Variants in ADGRV1 observed in about 807,000 individuals in gnomAD.
The protein encoded by ADGRV1 is G-protein coupled receptor 98.
Under a neutral mutation model 596.2 loss-of-function variants are expected in ADGRV1, and 359 were observed. The ratio of observed to expected loss-of-function variants is 0.60; its 90% confidence interval spans 0.55 to 0.66. The LOEUF (loss-of-function observed/expected upper bound fraction) is 0.66, where lower values mean the gene tolerates loss of function less well. Ranked by LOEUF, ADGRV1 falls within the 30% of genes least tolerant of loss-of-function variation. ADGRV1 has a pLI of 0.00. For missense variants in ADGRV1, 7,274 were observed against 7,575.6 expected (o/e 0.96, Z 1.48); for synonymous variants, 2,681 against 2,679.2 (o/e 1.00, Z -0.02).
chr5:90,626,264 AT>A (rs1764744263), intron 6 of ADGRV1: 1 of 152,170 alleles, frequency 6.6e-6, no homozygotes, highest in Non-Finnish European at 1.5e-5. Context: ...TTGAAAAAAA[AT>A]GAAATATTTG....
At position 91,100,901 on chromosome 5, in the gene ADGRV1, C is replaced by A. The variant is rs113816154; in HGVS notation, c.18311-1318C>A. On this transcript the variant is annotated intron_variant, in intron 86 of 89. Coordinates refer to ENST00000405460, the MANE Select transcript of ADGRV1 (RefSeq NM_032119.4). ...AATAAACTCAAATTTAAGGACACTG[C>A]AAGAAAAACTGGCTGGTAATCATCA... Among the ~76,000 whole-genome samples the A allele has an allele frequency of 1.7e-3, 260 of 152,224 alleles. 6 individuals are homozygous for A. The highest frequency in any genetic ancestry group is 6.1e-3 in the African/African-American group (252 of 41,554).
intron 87 of ADGRV1, among the ~76,000 whole-genome samples, chr5:91,136,470 A>C (rs945064950): frequency 7.2e-5 from 11 of 152,230 alleles, no homozygotes; most frequent in Non-Finnish European, 1.3e-4. Flanking sequence ...TATTTCTCAG[A>C]AGACAGCCTT....
chr5:90,625,358 TCTG>T lies in ADGRV1; in HGVS notation c.672+116_672+118del. ...ACCTCAGCTATAAATAGCTGACTGT[TCTG>T]GAATACATCTTATTACTATTTATCT... On this transcript the variant is annotated intron_variant, in intron 6 of 89. Coordinates refer to ENST00000405460, the MANE Select transcript of ADGRV1 (RefSeq NM_032119.4). The T allele has an allele frequency of 6.7e-6, 4 of 595,150 alleles. No homozygotes were observed. In the South Asian group the frequency reaches 9.9e-5, roughly 15 times the overall value. 36.9% of individuals were successfully genotyped at this position (595,150 alleles called of 1,614,324 possible).
chr5:90,701,481 T>C (rs1240482020), intron 34 of ADGRV1, among the ~76,000 whole-genome samples: 2 of 151,964 alleles, frequency 1.3e-5, no homozygotes, highest in Non-Finnish European at 2.9e-5. Context: ...TTTCACACTA[T>C]TCTTGCTGTT....
chr5:90,675,580 G>C, intron 24 of ADGRV1, 135 bp downstream of exon 24: 1 of 877,692 alleles, frequency 1.1e-6, no homozygotes, highest in Non-Finnish European at 1.8e-6. Context: ...AGGCAAAGGC[G>C]AGAGGATTGC....
intron 86 of ADGRV1, among the ~76,000 whole-genome samples, chr5:91,082,151 T>TG (rs1388899024): frequency 6.6e-6 from 1 of 152,258 alleles, no homozygotes; most frequent in Non-Finnish European, 1.5e-5. Flanking sequence ...ACCCTTAATG[T>TG]GGCTGGCATC....
At position 90,693,963 on chromosome 5, in the gene ADGRV1, G is replaced by C; in HGVS notation, c.7207G>C (p.Glu2403Gln). Residue 2403 changes from glutamate (E) to glutamine (Q), a missense_variant, in exon 33 of 90, where the codon GAA becomes CAA. Transcript: ENST00000405460. ...DIDVVALAME[E>Q]GQDLLSYYES... ...TGATGTAGTGGCTCTGGCAATGGAG[G>C]AAGGTCAAGATTTACTGTCCTACTA... The C allele has an allele frequency of 6.2e-7, 1 of 1,608,078 alleles. No homozygotes were observed. The highest frequency in any genetic ancestry group is 8.5e-7 in the Non-Finnish European group (1 of 1,175,400).
At chr5:90,801,236 GC>G (rs1761341229) in intron 70 of ADGRV1, among the ~76,000 whole-genome samples, 1 of 152,088 alleles carries the variant, frequency 6.6e-6, no homozygotes, top group South Asian at 2.1e-4. Context: ...AGGTGAACCA[GC>G]TTTTCCTCAA....
rs1456324368 is a variant in ADGRV1, at chr5:90,810,403, G to A, written c.15143G>A (p.Ser5048Asn). The A allele has an allele frequency of 1.2e-6, 2 of 1,613,910 alleles. No individual in the cohort carries two copies. The highest frequency in any genetic ancestry group is 1.7e-5 in the Admixed American group (1 of 59,994). Residue 5048 changes from serine (S) to asparagine (N), a missense_variant, in exon 74 of 90, where the codon AGC becomes AAC. Physicochemically the swap from Ser to Asn is conservative, Grantham distance 46 (BLOSUM62 1). Around this residue, in one of 5 missense-constraint regions of ADGRV1, gnomAD observed 1,874 missense variants for 1,970.2 expected, o/e 0.95. Transcript: ENST00000405460. ...GTTTCTTATCAGACCACTGCAGGAA[G>A]CGCCAAGCCACTGGAAGATTTTGAG... ...IKVSYQTTAG[S>N]AKPLEDFEPV...
intron 52 of ADGRV1, among the ~76,000 whole-genome samples, chr5:90,748,802 T>A (rs920679012): frequency 6.8e-6 from 1 of 146,654 alleles, no homozygotes; most frequent in Admixed American, 7.2e-5. Flanking sequence ...GCCTAGTTTG[T>A]CTATCATCAA....
intron 2 of ADGRV1, among the ~76,000 whole-genome samples, chr5:90,616,830 A>G (rs1218804305): frequency 1.3e-5 from 2 of 152,180 alleles, no homozygotes; most frequent in East Asian, 3.8e-4. Flanking sequence ...CTACTGTACT[A>G]TCGAATACTG....
At chr5:90,666,152 C>G (rs1161145828) in intron 21 of ADGRV1, among the ~76,000 whole-genome samples, 7 of 150,364 alleles carry the variant, frequency 4.7e-5, no homozygotes, top group African/African-American at 1.5e-4. Flanking sequence ...GAGCTGAGTT[C>G]AATTCCTGGG....
chr5:90,628,323 G>T (rs1429867552), intron 7 of ADGRV1, among the ~76,000 whole-genome samples: 3 of 152,114 alleles, frequency 2.0e-5, no homozygotes, highest in African/African-American at 7.2e-5. Context: ...AATGCAGGAG[G>T]ATTGCCTGAG....
rs561226418 is a variant in ADGRV1, at chr5:90,635,059, A to T, written c.1840-55A>T. 1,781 of 1,228,092 alleles carry T rather than the reference A, an allele frequency of 1.5e-3. 5 individuals carry two copies. Among genetic ancestry groups the T allele is most frequent in the Non-Finnish European group, 1.8e-3 (1,578 of 867,010 alleles). The allele number at this position is 1,228,092 out of a possible 1,614,324, so 76.1% of individuals were successfully genotyped here. A position where few individuals can be genotyped will look rare whatever the true frequency, so the allele number is the denominator to read the frequency against. On this transcript the variant is annotated intron_variant, in intron 9 of 89. Coordinates refer to ENST00000405460, the MANE Select transcript of ADGRV1 (RefSeq NM_032119.4). Reference sequence around the variant, plus strand: ...TCACCCCATGCTGTTAAGCTTTTTTAAAAAATTTATATTCTATCAATTCTT... The same window carrying T: ...TCACCCCATGCTGTTAAGCTTTTTTTAAAAATTTATATTCTATCAATTCTT...
At chr5:90,837,119 A>G (rs1335934345) in intron 77 of ADGRV1, among the ~76,000 whole-genome samples, 1 of 152,222 alleles carries the variant, frequency 6.6e-6, no homozygotes, top group East Asian at 1.9e-4. Flanking sequence ...GCTTATATCT[A>G]AGTTTGTGAT....
chr5:90,962,248 A>G (rs1778098092), intron 83 of ADGRV1, among the ~76,000 whole-genome samples: 1 of 152,268 alleles, frequency 6.6e-6, no homozygotes, highest in South Asian at 2.1e-4. Flanking sequence ...CCATGCTGGT[A>G]TACAGCAGTT....
chr5:91,060,919 C>T (rs1195726775), intron 85 of ADGRV1, among the ~76,000 whole-genome samples: 1 of 152,080 alleles, frequency 6.6e-6, no homozygotes, highest in Non-Finnish European at 1.5e-5. Flanking sequence ...TGATTTTTGC[C>T]CTTTTGAGGA....
At chr5:90,572,376 ATAAAG>A (rs1455134364) in intron 1 of ADGRV1, among the ~76,000 whole-genome samples, 1 of 152,150 alleles carries the variant, frequency 6.6e-6, no homozygotes, top group African/African-American at 2.4e-5. Flanking sequence ...ATAAAATAAA[ATAAAG>A]TAAAATAAAA....
intron 79 of ADGRV1, among the ~76,000 whole-genome samples, chr5:90,850,427 G>T (rs1416755789): frequency 6.6e-6 from 1 of 152,128 alleles, no homozygotes; most frequent in Non-Finnish European, 1.5e-5. Context: ...TAACAGTTCA[G>T]CTCCTTAGTG....
Sources: gnomAD v4.1 joint callset for allele counts (sites outside exome capture counted in the v4.1 genomes callset) on GRCh38, gnomAD v4.1.1 for gene constraint, gnomAD v4.1.1 regional missense constraint, MANE v1.5 for transcripts, NCBI Gene and HGNC (gene_info 2026-07-23, HGNC 2026-07-21) for gene names.